Variants in GFRA2 observed in about 807,000 individuals in gnomAD.
GFRA2 encodes the protein GDNF family receptor alpha 2, also known as GDNF family receptor alpha-2.
In GFRA2, 17 loss-of-function variants were observed where a neutral mutation model predicts 48.3. The observed-to-expected ratio is 0.35, with a 90% CI of 0.24 to 0.53. The LOEUF is 0.53. Among genes scored for constraint, GFRA2 ranks in the 20% least tolerant of loss-of-function variants. The probability of loss-of-function intolerance (pLI) is 0.93; values close to 1 mark genes in which losing one functional copy is unlikely to be tolerated. For synonymous variants in GFRA2, 305 were observed against 257.2 expected (o/e 1.19, Z -1.78); for missense variants, 660 against 637.3 (o/e 1.04, Z -0.38).
chr8:21,742,379 G>A (rs1362110834), intron 4 of GFRA2, among the ~76,000 whole-genome samples: 1 of 152,112 alleles, frequency 6.6e-6, no homozygotes, highest in South Asian at 2.1e-4. Flanking sequence ...AAGACCATAC[G>A]AGGACGTAAC....
At chr8:21,789,983 G>A (rs1194861124), upstream of GFRA2, 5 of 770,544 alleles carry the variant, frequency 6.5e-6, no homozygotes, top group Non-Finnish European at 6.3e-6. Context: ...GGCAGCTCCC[G>A]GCTCCCTAGG....
chr8:21,738,255 A>C (rs1804580504), intron 4 of GFRA2, among the ~76,000 whole-genome samples: 1 of 138,242 alleles, frequency 7.2e-6, no homozygotes, highest in Non-Finnish European at 1.6e-5. Flanking sequence ...TCAGGTGACA[A>C]CATCACCAGC....
chr8:21,723,768 G>C (rs1052024846), intron 4 of GFRA2, among the ~76,000 whole-genome samples: 4 of 152,222 alleles, frequency 2.6e-5, no homozygotes, highest in African/African-American at 9.6e-5. Context: ...AGGCTAGAAA[G>C]TGGGCTGGCC....
chr8:21,746,584 T>C (rs2117574279), intron 4 of GFRA2, among the ~76,000 whole-genome samples: 1 of 152,244 alleles, frequency 6.6e-6, no homozygotes, highest in South Asian at 2.1e-4. Flanking sequence ...TTGTGGGCCC[T>C]GGAGTCTCCA....
chr8:21,754,508 T>C (rs1217768052), intron 3 of GFRA2, among the ~76,000 whole-genome samples: 41 of 142,602 alleles, frequency 2.9e-4, no homozygotes, highest in African/African-American at 1.0e-3. Flanking sequence ...TTTTTTTCTT[T>C]TTTTTTTTTT....
At chr8:21,741,461 T>C (rs1051934630) in intron 4 of GFRA2, among the ~76,000 whole-genome samples, 1 of 152,100 alleles carries the variant, frequency 6.6e-6, no homozygotes, top group African/African-American at 2.4e-5. Flanking sequence ...TCCTGCTCAT[T>C]TCGGCAGCAT....
intron 2 of GFRA2, among the ~76,000 whole-genome samples, chr8:21,802,063 T>G (rs1460573719): frequency 1.2e-4 from 19 of 152,386 alleles, no homozygotes; most frequent in African/African-American, 4.3e-4. Context: ...GACTCCTGAC[T>G]GGCAGTTTGC....
intron 1 of GFRA2, 133 bp from the exon 2 acceptor site, chr8:21,783,032 T>G (rs1807090517): frequency 1.2e-6 from 1 of 831,522 alleles, no homozygotes. Context: ...GGCGACTCTG[T>G]GGGACAGCCC....
intron 4 of GFRA2, among the ~76,000 whole-genome samples, chr8:21,708,717 T>C (rs1195580379): frequency 6.6e-6 from 1 of 151,462 alleles, no homozygotes; most frequent in Admixed American, 6.6e-5. Flanking sequence ...GAGATAGGAG[T>C]GATGAAGCCA....
intron 2 of GFRA2, among the ~76,000 whole-genome samples, chr8:21,802,469 C>G (rs1185856887): frequency 6.6e-6 from 1 of 152,118 alleles, no homozygotes; most frequent in African/African-American, 2.4e-5. Context: ...ATCCTCCCAC[C>G]TCAGCTTCCC....
At chr8:21,769,984 G>A (rs891679718) in intron 3 of GFRA2, among the ~76,000 whole-genome samples, 14 of 152,248 alleles carry the variant, frequency 9.2e-5, no homozygotes, top group East Asian at 1.9e-4. Context: ...GGCCAACCAC[G>A]GTAGACAATG....
rs369711068 is a variant in GFRA2, at chr8:21,705,940, C to G, written c.896G>C (p.Gly299Ala). Residue 299 changes from glycine (G) to alanine (A), a missense_variant, in exon 5 of 9, where the codon GGC becomes GCC. By Grantham distance (60) the Gly-to-Ala change is moderately conservative. Coordinates refer to ENST00000524240, the MANE Select transcript of GFRA2 (RefSeq NM_001495.5). ...NYQACLGSYA[G>A]MIGFDMTPNY... The stretch of plus-strand genomic sequence containing the variant: ...GAGCAGGAAGAGCTTACCAATCATG[C>G]CAGCATAAGAGCCCAGACACGCCTG... The G allele has an allele frequency of 1.3e-6, 2 of 1,556,442 alleles. No individual in the cohort carries two copies. Among genetic ancestry groups the G allele is most frequent in the African/African-American group, 1.4e-5 (1 of 73,478 alleles).
At chr8:21,770,357 G>T (rs1365233452) in intron 3 of GFRA2, among the ~76,000 whole-genome samples, 2 of 152,234 alleles carry the variant, frequency 1.3e-5, no homozygotes, top group African/African-American at 4.8e-5. Context: ...GCACTCACCT[G>T]CACTATCTCA....
chr8:21,708,903 T>C (rs1434445373), intron 4 of GFRA2, among the ~76,000 whole-genome samples: 1 of 152,232 alleles, frequency 6.6e-6, no homozygotes, highest in Non-Finnish European at 1.5e-5. Context: ...GCCACCCAGC[T>C]TGTGGTACTT....
At chr8:21,770,344 C>A (rs2117688468) in intron 3 of GFRA2, among the ~76,000 whole-genome samples, 1 of 152,360 alleles carries the variant, frequency 6.6e-6, no homozygotes, top group Non-Finnish European at 1.5e-5. Flanking sequence ...AGGCTCAGGC[C>A]AAGCACTCAC....
At chr8:21,747,756 C>CCACACACACACACACACA (rs61578379) in intron 4 of GFRA2, among the ~76,000 whole-genome samples, 2 of 139,060 alleles carry the variant, frequency 1.4e-5, no homozygotes, top group African/African-American at 2.7e-5. Flanking sequence ...CCATCTTCCA[C>CCACACACACACACACACA]CACACACACA....
At chr8:21,755,066 TG>T (rs948898313) in intron 3 of GFRA2, among the ~76,000 whole-genome samples, 25 of 150,036 alleles carry the variant, frequency 1.7e-4, no homozygotes, top group African/African-American at 5.9e-4. Flanking sequence ...CAGTGGGGAG[TG>T]GGGGAGGAAG....
chr8:21,804,280 T>G (rs1375650241), intron 2 of GFRA2, among the ~76,000 whole-genome samples: 1 of 152,140 alleles, frequency 6.6e-6, no homozygotes, highest in African/African-American at 2.4e-5. Flanking sequence ...AGCCTGGTTC[T>G]GACACTAGTT....
At chr8:21,740,100 C>A (rs1353246059) in intron 4 of GFRA2, among the ~76,000 whole-genome samples, 2 of 152,224 alleles carry the variant, frequency 1.3e-5, no homozygotes, top group Non-Finnish European at 1.5e-5. Context: ...GCTCCCCACA[C>A]TAGAGTCTGT....
Sources: allele counts gnomAD v4.1 joint callset (sites outside exome capture counted in the v4.1 genomes callset), GRCh38; gene constraint gnomAD v4.1.1; transcripts MANE v1.5; gene names NCBI Gene and HGNC (gene_info 2026-07-23, HGNC 2026-07-21).